The following GRIK4 variants were observed in gnomAD, a reference collection of about 807,000 sequenced individuals.
GRIK4 encodes the protein glutamate receptor ionotropic, kainate 4.
A neutral mutation model predicts 104.9 loss-of-function variants in GRIK4; 40 were observed. That is an observed-to-expected ratio of 0.38 (90% CI 0.30 to 0.50). The LOEUF is 0.50. Ranked by LOEUF, GRIK4 falls within the 20% of genes least tolerant of loss-of-function variation. The probability of loss-of-function intolerance (pLI) is 0.93; values close to 1 mark genes in which losing one functional copy is unlikely to be tolerated. For synonymous variants in GRIK4, 485 were observed against 524.9 expected, an observed-to-expected ratio of 0.92 and a Z score of 1.04; for missense variants, 1,047 against 1,308.1, an observed-to-expected ratio of 0.80 and a Z score of 3.08.
chr11:120,615,912 G>A (rs1422315561), intron 1 of GRIK4, among the ~76,000 whole-genome samples: 1 of 151,922 alleles, frequency 6.6e-6, no homozygotes, highest in Non-Finnish European at 1.5e-5. Flanking sequence ...ATGGGATCTA[G>A]TATCCCTTCC....
At chr11:120,766,901 C>G (rs376573659) in intron 3 of GRIK4, among the ~76,000 whole-genome samples, 36 of 151,988 alleles carry the variant, frequency 2.4e-4, no homozygotes, top group Admixed American at 1.7e-3. Context: ...CATATTCAGC[C>G]ATCTTGCCCA....
intron 3 of GRIK4, among the ~76,000 whole-genome samples, chr11:120,667,853 C>T (rs1001121845): frequency 1.3e-5 from 2 of 152,188 alleles, no homozygotes; most frequent in African/African-American, 2.4e-5. Flanking sequence ...GTGCTGGACT[C>T]GAGAGGCACT....
chr11:120,628,647 T>C (rs561075168), intron 1 of GRIK4, among the ~76,000 whole-genome samples: 3 of 152,014 alleles, frequency 2.0e-5, no homozygotes, highest in Non-Finnish European at 4.4e-5. Flanking sequence ...GTTTCACTGA[T>C]GGGTGGAGGA....
chr11:120,737,900 TTC>T (rs1209426027), intron 3 of GRIK4, among the ~76,000 whole-genome samples: 2 of 152,306 alleles, frequency 1.3e-5, no homozygotes, highest in East Asian at 3.9e-4. Context: ...GTGTGTGGTT[TTC>T]TGTATCTATG....
At chr11:120,864,522 G>A (rs182765543) in intron 9 of GRIK4, among the ~76,000 whole-genome samples, 9 of 152,308 alleles carry the variant, frequency 5.9e-5, no homozygotes, top group Admixed American at 2.0e-4. Flanking sequence ...TTACAGGCGT[G>A]AGCCATCATT....
intron 13 of GRIK4, among the ~76,000 whole-genome samples, chr11:120,917,418 G>A (rs1943134713): frequency 6.6e-6 from 1 of 152,132 alleles, no homozygotes; most frequent in South Asian, 2.1e-4. Context: ...ATCAGGTTTG[G>A]TTCTGTCTCT....
chr11:120,614,843 C>A (rs1949087487), intron 1 of GRIK4, among the ~76,000 whole-genome samples: 1 of 151,998 alleles, frequency 6.6e-6, no homozygotes, highest in African/African-American at 2.4e-5. Flanking sequence ...ACTAACAATA[C>A]AAAAAATTAT....
intron 6 of GRIK4, among the ~76,000 whole-genome samples, chr11:120,820,891 A>T (rs1276540357): frequency 6.6e-6 from 1 of 152,200 alleles, no homozygotes. Context: ...CATGTGCTTT[A>T]ATTCATTTAT....
chr11:120,596,215 G>A (rs543028211), intron 1 of GRIK4, among the ~76,000 whole-genome samples: 1 of 152,214 alleles, frequency 6.6e-6, no homozygotes, highest in African/African-American at 2.4e-5. Flanking sequence ...AGTATTTGTT[G>A]AATTAGTTCC....
chr11:120,952,296 G>A lies in GRIK4; in HGVS notation c.1591-559G>A, dbSNP rs1214363056. ...CTCGGGCACATCTCTGACTGCCCTC[G>A]GCTTTGGCTTCTTCACTTGTAAAAT... On this transcript the variant is annotated intron_variant, in intron 14 of 20. Coordinates refer to ENST00000527524, the MANE Select transcript of GRIK4 (RefSeq NM_014619.5). This position sits in a 1 kb window ranked among gnomAD's most constrained non-coding sequence, Gnocchi z 5.2. 2.6e-5 allele frequency among the ~76,000 whole-genome samples: 4 copies of A among 152,124 alleles called. No individual in the cohort carries two copies. Among genetic ancestry groups the A allele is most frequent in the East Asian group, 3.9e-4 (2 of 5,192 alleles).
intron 1 of GRIK4, among the ~76,000 whole-genome samples, chr11:120,599,476 T>C (rs1223402499): frequency 2.0e-5 from 3 of 152,170 alleles, no homozygotes; most frequent in Non-Finnish European, 2.9e-5. Context: ...TTTCCGCCGT[T>C]ATCTGGGAGA....
intron 1 of GRIK4, among the ~76,000 whole-genome samples, chr11:120,652,366 C>T (rs1461513854): frequency 1.3e-5 from 2 of 152,186 alleles, no homozygotes; most frequent in Non-Finnish European, 2.9e-5. Flanking sequence ...CTGGGATAGT[C>T]TTGCATCCTG....
At chr11:120,561,522 G>A (rs1338280119) in intron 1 of GRIK4, among the ~76,000 whole-genome samples, 1 of 152,154 alleles carries the variant, frequency 6.6e-6, no homozygotes, top group Non-Finnish European at 1.5e-5. Flanking sequence ...GGGCCTACTC[G>A]GGGACTCCCC....
At chr11:120,914,649 G>T (rs1221804711) in intron 13 of GRIK4, among the ~76,000 whole-genome samples, 1 of 152,150 alleles carries the variant, frequency 6.6e-6, no homozygotes, top group Non-Finnish European at 1.5e-5. Context: ...ATGAGAGGGG[G>T]TGGAGGAGAA....
intron 2 of GRIK4, among the ~76,000 whole-genome samples, chr11:120,654,922 C>T (rs1437489731): frequency 6.6e-6 from 1 of 152,120 alleles, no homozygotes; most frequent in African/African-American, 2.4e-5. Flanking sequence ...GTTTCCCTCC[C>T]CTTCTCGGCA....
chr11:120,849,356 G>C (rs1565391111), intron 8 of GRIK4, among the ~76,000 whole-genome samples: 3 of 152,220 alleles, frequency 2.0e-5, no homozygotes, highest in East Asian at 3.8e-4. Context: ...AGCTTTGGGA[G>C]AAAAGGAAGC....
chr11:120,625,995 T>G (rs4935744), intron 1 of GRIK4, among the ~76,000 whole-genome samples: 49,806 of 151,966 alleles, frequency 0.33, 8,343 homozygotes, highest in African/African-American at 0.36. Flanking sequence ...TCTGCTGAGG[T>G]AGGATTACAT....
At chr11:120,652,301 A>C (rs1949631096) in intron 1 of GRIK4, among the ~76,000 whole-genome samples, 1 of 152,206 alleles carries the variant, frequency 6.6e-6, no homozygotes, top group Non-Finnish European at 1.5e-5. Context: ...AGAATGAGAG[A>C]CTGCAGCTCA....
chr11:120,710,252 T>C (rs1950704094), intron 3 of GRIK4, among the ~76,000 whole-genome samples: 2 of 152,242 alleles, frequency 1.3e-5, no homozygotes, highest in African/African-American at 4.8e-5. Flanking sequence ...CTGGATATTT[T>C]CTGGGACCTG....
Sources: gnomAD v4.1 joint callset for allele counts (sites outside exome capture counted in the v4.1 genomes callset) on GRCh38, gnomAD v4.1.1 for gene constraint, Gnocchi (gnomAD v3.1) non-coding constraint, MANE v1.5 for transcripts, NCBI Gene and HGNC (gene_info 2026-07-23, HGNC 2026-07-21) for gene names.